LOC728743: variants seen among roughly 807,000 people sequenced by gnomAD.
chr7:150,406,355 G>A, the LOC728743 span, among the ~76,000 whole-genome samples: 1 of 152,166 alleles, frequency 6.6e-6, no homozygotes, highest in Non-Finnish European at 1.5e-5. Flanking sequence ...GGGGGTCGTG[G>A]GAGTGGTGGC....
chr7:150,402,459 C>T, the LOC728743 span, among the ~76,000 whole-genome samples: 6 of 152,240 alleles, frequency 3.9e-5, no homozygotes, highest in South Asian at 4.1e-4. Flanking sequence ...TTTCTCTCTG[C>T]GCCGCCTGAG....
the LOC728743 span, chr7:150,404,652 C>T: frequency 1.3e-5 from 2 of 152,246 alleles, no homozygotes; most frequent in Non-Finnish European, 2.9e-5. Flanking sequence ...CCCTCTCACG[C>T]CCGCTGCTAC....
chr7:150,403,698 G>A, the LOC728743 span, among the ~76,000 whole-genome samples: 2 of 152,112 alleles, frequency 1.3e-5, no homozygotes, highest in East Asian at 1.9e-4. This position sits in a 1 kb window ranked among gnomAD's most constrained non-coding sequence, Gnocchi z 5.1. Context: ...TTCCCTTCCC[G>A]TTGTCTCTGT....
the LOC728743 span, chr7:150,412,375 G>A: frequency 3.9e-5 from 6 of 152,394 alleles, no homozygotes; most frequent in East Asian, 1.2e-3. Flanking sequence ...CGGCTCTGCA[G>A]GAGTGCACGG....
At chr7:150,404,213 T>C in the LOC728743 span, among the ~76,000 whole-genome samples, 1 of 152,254 alleles carries the variant, frequency 6.6e-6, no homozygotes, top group Non-Finnish European at 1.5e-5. Flanking sequence ...CTACTACTTG[T>C]GACTTTTAAA....
chr7:150,408,278 AC>A, the LOC728743 span: 8 of 374,398 alleles, frequency 2.1e-5, no homozygotes, highest in Non-Finnish European at 3.8e-5. Flanking sequence ...TGCGTCCCCG[AC>A]CCCTGGAGAT....
chr7:150,404,516 T>A, the LOC728743 span: 30 of 152,314 alleles, frequency 2.0e-4, no homozygotes, highest in African/African-American at 6.7e-4. Flanking sequence ...CAAGGTAGGG[T>A]GCACATGGTT....
At chr7:150,402,761 C>T in the LOC728743 span, among the ~76,000 whole-genome samples, 2 of 152,106 alleles carry the variant, frequency 1.3e-5, no homozygotes, top group African/African-American at 4.8e-5. Context: ...AGGGACGCAG[C>T]CCTACAGGAG....
At chr7:150,401,317 A>C in the LOC728743 span, among the ~76,000 whole-genome samples, 2 of 152,238 alleles carry the variant, frequency 1.3e-5, no homozygotes, top group Non-Finnish European at 2.9e-5. Context: ...CCCACTGCCC[A>C]GTCCCGGGGA....
the LOC728743 span, among the ~76,000 whole-genome samples, chr7:150,406,492 T>G: frequency 1.3e-5 from 2 of 152,070 alleles, no homozygotes; most frequent in African/African-American, 4.8e-5. Flanking sequence ...GCTAGTACAT[T>G]GAAAAGAGCT....
the LOC728743 span, among the ~76,000 whole-genome samples, chr7:150,409,854 G>A: frequency 1.3e-5 from 2 of 152,078 alleles, no homozygotes. Flanking sequence ...TGGCTCCTCG[G>A]AGACTGTCCT....
At chr7:150,411,616 G>C in the LOC728743 span, 39,840 of 152,260 alleles carry the variant, frequency 0.26, 5,429 homozygotes, top group East Asian at 0.4. Context: ...GAGTCTTGCT[G>C]TCTTCGATGC....
the LOC728743 span, among the ~76,000 whole-genome samples, chr7:150,409,056 A>C: frequency 6.7e-6 from 1 of 148,256 alleles, no homozygotes; most frequent in Non-Finnish European, 1.5e-5. Flanking sequence ...TTCGTCACCC[A>C]GGGGAGTTTG....
At chr7:150,403,134 C>T in the LOC728743 span, among the ~76,000 whole-genome samples, 1 of 152,100 alleles carries the variant, frequency 6.6e-6, no homozygotes, top group East Asian at 1.9e-4. The surrounding 1 kb of genome is among the most constrained non-coding windows in gnomAD (Gnocchi z 5.1). Context: ...TCCATATTGG[C>T]ACTCTATCGT....
the LOC728743 span, chr7:150,407,572 C>G: frequency 2.5e-6 from 1 of 398,292 alleles, no homozygotes; most frequent in South Asian, 1.3e-4. Context: ...GCCCCCGCTT[C>G]TGTCTCCCTA....
the LOC728743 span, chr7:150,410,656 C>G: frequency 6.5e-6 from 1 of 154,662 alleles, no homozygotes; most frequent in African/African-American, 2.4e-5. Context: ...AGCAGTGCTT[C>G]TTAGCTCTTT....
chr7:150,405,316 A>G, the LOC728743 span: 17 of 152,180 alleles, frequency 1.1e-4, no homozygotes, highest in African/African-American at 4.1e-4. Context: ...AGGCGGCGCC[A>G]TGTGAGTGCG....
chr7:150,401,577 T>C, the LOC728743 span, among the ~76,000 whole-genome samples: 1 of 152,228 alleles, frequency 6.6e-6, no homozygotes, highest in African/African-American at 2.4e-5. Context: ...TCTTCCTGCA[T>C]TGTGGCAGGG....
At chr7:150,408,125 G>A in the LOC728743 span, 1 of 385,790 alleles carries the variant, frequency 2.6e-6, no homozygotes, top group East Asian at 3.7e-5. Flanking sequence ...CCCCCGCTGC[G>A]GCAAGAGCTT....
Sources: gnomAD v4.1 joint callset for allele counts (sites outside exome capture counted in the v4.1 genomes callset) on GRCh38, gnomAD v4.1.1 for gene constraint, Gnocchi (gnomAD v3.1) non-coding constraint, MANE v1.5 for transcripts.